Variants in DACH2 observed in about 807,000 individuals in gnomAD.
The protein encoded by DACH2 is dachshund family transcription factor 2.
DACH2 carries 17 observed loss-of-function variants against 35.8 expected under a neutral mutation model. That is an observed-to-expected ratio of 0.48 (90% CI 0.33 to 0.71). The LOEUF (loss-of-function observed/expected upper bound fraction) is 0.71. DACH2 is among the 30% of genes least tolerant of loss of function. DACH2 has a pLI of 0.02. For missense variants in DACH2, 469 were observed against 472.7 expected (o/e 0.99, Z 0.07); for synonymous variants, 195 against 177.3 (o/e 1.10, Z -0.79).
chrX:86,679,624 G>C (rs866595129), intron 4 of DACH2, among the ~76,000 whole-genome samples: 3,437 of 101,872 alleles, frequency 0.034, 145 homozygotes, highest in African/African-American at 0.12. Context: ...CTCTGTGTGT[G>C]TGTGTGTGTG....
chrX:86,280,347 C>A (rs905833402), intron 1 of DACH2, among the ~76,000 whole-genome samples: 1 of 111,795 alleles, frequency 8.9e-6, no homozygotes, highest in East Asian at 2.8e-4. Context: ...CATATCTACC[C>A]GAACTAAGCT....
intron 1 of DACH2, chrX:86,161,494 T>G (rs1004672861): frequency 1.1e-5 from 4 of 352,858 alleles, no homozygotes; most frequent in Admixed American, 9.7e-5. Context: ...TAAAAATTTC[T>G]TGACACCAGA....
chrX:86,240,342 A>G (rs746524063), intron 1 of DACH2, among the ~76,000 whole-genome samples: 1 of 111,099 alleles, frequency 9.0e-6, no homozygotes, highest in African/African-American at 3.3e-5. Context: ...GGAATGTTAA[A>G]GTTGGCTATC....
intron 2 of DACH2, among the ~76,000 whole-genome samples, chrX:86,489,793 T>TGTGCA (rs2038069668): frequency 8.9e-6 from 1 of 111,849 alleles, no homozygotes; most frequent in Admixed American, 9.5e-5. Context: ...TGCTCGTTAT[T>TGTGCA]GTGCATTAAA....
intron 1 of DACH2, among the ~76,000 whole-genome samples, chrX:86,245,192 AC>A (rs2033252120): frequency 9.0e-6 from 1 of 111,407 alleles, no homozygotes; most frequent in East Asian, 2.8e-4. Flanking sequence ...TTGAAAAAAA[AC>A]TCAGTGTTCC....
At chrX:86,254,807 T>TATATAGAGAG (rs1380613474) in intron 1 of DACH2, among the ~76,000 whole-genome samples, 45 of 49,644 alleles carry the variant, frequency 9.1e-4, no homozygotes, top group East Asian at 3.3e-3. Context: ...TATATATATA[T>TATATAGAGAG]AGAGAGAGAG....
intron 2 of DACH2, among the ~76,000 whole-genome samples, chrX:86,454,707 G>C (rs1038375606): frequency 9.0e-6 from 1 of 111,518 alleles, no homozygotes; most frequent in Admixed American, 9.6e-5. Flanking sequence ...TTTTGCAATG[G>C]GTTACAACAT....
At chrX:86,207,639 A>G (rs2032346622) in intron 1 of DACH2, among the ~76,000 whole-genome samples, 2 of 111,804 alleles carry the variant, frequency 1.8e-5, no homozygotes, top group Admixed American at 9.5e-5. Context: ...TAATGAATCT[A>G]GAAACTGTCA....
intron 3 of DACH2, among the ~76,000 whole-genome samples, chrX:86,577,667 C>G (rs934198186): frequency 9.0e-6 from 1 of 111,194 alleles, no homozygotes; most frequent in Non-Finnish European, 1.9e-5. Context: ...TGGCTGGCAG[C>G]CCCTGGGGGT....
chrX:86,269,354 C>T (rs2033772387), intron 1 of DACH2, among the ~76,000 whole-genome samples: 1 of 111,661 alleles, frequency 9.0e-6, no homozygotes, highest in Admixed American at 9.6e-5. Context: ...GGATAGAACT[C>T]CTTTGTGTAT....
chrX:86,245,016 G>C (rs1278271217), intron 1 of DACH2, among the ~76,000 whole-genome samples: 6 of 111,405 alleles, frequency 5.4e-5, no homozygotes, highest in Non-Finnish European at 1.1e-4. Flanking sequence ...GATATAGTCT[G>C]GTAAAGGACT....
intron 2 of DACH2, among the ~76,000 whole-genome samples, chrX:86,506,821 T>C (rs2038330684): frequency 8.9e-6 from 1 of 111,940 alleles, no homozygotes; most frequent in Non-Finnish European, 1.9e-5. Context: ...TGCTGTGTAA[T>C]GTAACATAAT....
chrX:86,230,899 A>G (rs2032934790), intron 1 of DACH2, among the ~76,000 whole-genome samples: 1 of 111,707 alleles, frequency 9.0e-6, no homozygotes, highest in African/African-American at 3.3e-5. Context: ...AATCTTGCAA[A>G]TGATATATCA....
intron 7 of DACH2, among the ~76,000 whole-genome samples, chrX:86,780,972 G>C (rs1293376287): frequency 9.0e-6 from 1 of 111,301 alleles, no homozygotes; most frequent in African/African-American, 3.3e-5. Flanking sequence ...TGCCACTACT[G>C]GGGATGGGGA....
At chrX:86,316,847 C>T (rs944055661) in intron 1 of DACH2, among the ~76,000 whole-genome samples, 1 of 111,215 alleles carries the variant, frequency 9.0e-6, no homozygotes, top group Admixed American at 9.5e-5. Flanking sequence ...AGGCTGGGCA[C>T]GGTGCCTCAC....
intron 1 of DACH2, among the ~76,000 whole-genome samples, chrX:86,221,654 C>T (rs922357337): frequency 3.6e-5 from 4 of 111,432 alleles, no homozygotes; most frequent in Non-Finnish European, 7.5e-5. Flanking sequence ...ATTTATGATC[C>T]CTGCCATCCA....
At chrX:86,539,034 G>A in intron 3 of DACH2, among the ~76,000 whole-genome samples, 1 of 110,842 alleles carries the variant, frequency 9.0e-6, no homozygotes, top group African/African-American at 3.3e-5. Context: ...AAATGGAGAG[G>A]CTGATGAGAT....
At chrX:86,621,978 A>G (rs1006410691) in intron 3 of DACH2, among the ~76,000 whole-genome samples, 1 of 111,772 alleles carries the variant, frequency 8.9e-6, no homozygotes, top group African/African-American at 3.2e-5. Context: ...CATAGGAATT[A>G]GTTTTTCAGC....
chrX:86,170,104 A>T (rs1330878914), intron 1 of DACH2, among the ~76,000 whole-genome samples: 5 of 111,744 alleles, frequency 4.5e-5, no homozygotes, highest in Admixed American at 9.5e-5. Context: ...TACTGCCTTG[A>T]TGGTCTTCGA....
Sources: gnomAD v4.1 joint callset for allele counts (sites outside exome capture counted in the v4.1 genomes callset) on GRCh38, gnomAD v4.1.1 for gene constraint, MANE v1.5 for transcripts, NCBI Gene and HGNC (gene_info 2026-07-23, HGNC 2026-07-21) for gene names.